Variants in GALNT16 observed in about 807,000 individuals in gnomAD.
GALNT16 encodes polypeptide N-acetylgalactosaminyltransferase 16.
In GALNT16, 40 loss-of-function variants were observed where a neutral mutation model predicts 76.1. That is an observed-to-expected ratio of 0.53 (90% CI 0.41 to 0.68). GALNT16 has a LOEUF of 0.68. Ranked by LOEUF, GALNT16 falls within the 30% of genes least tolerant of loss-of-function variation. The probability of loss-of-function intolerance (pLI) is 0.00; values close to 1 mark genes in which losing one functional copy is unlikely to be tolerated. For missense variants in GALNT16, 621 were observed against 731.9 expected, an observed-to-expected ratio of 0.85 and a Z score of 1.75; for synonymous variants, 276 against 285.2, an observed-to-expected ratio of 0.97 and a Z score of 0.32.
intron 2 of GALNT16, among the ~76,000 whole-genome samples, chr14:69,324,248 C>T (rs1208325632): frequency 1.3e-5 from 2 of 152,020 alleles, no homozygotes; most frequent in African/African-American, 4.8e-5. Context: ...TCTGCAGATT[C>T]TACCAAATGT....
At chr14:69,350,399 C>T (rs1341469207) in intron 14 of GALNT16, 4 of 152,222 alleles carry the variant, frequency 2.6e-5, no homozygotes, top group Admixed American at 1.3e-4. Flanking sequence ...ACCACGACTC[C>T]CTGGGGTGAG....
rs181482622 is a variant in GALNT16, at chr14:69,352,489, G to A, written c.*321G>A. On this transcript the variant is annotated 3_prime_UTR_variant, in exon 15 of 15. Coordinates refer to ENST00000448469, the MANE Select transcript of GALNT16 (RefSeq NM_001168368.2). The stretch of plus-strand genomic sequence containing the variant: ...GGCGCTTCTTGGGGCTGGGACAATA[G>A]TGTGTGGTCTCTCCCTTGTTGCCCG... 1.4e-3 allele frequency: 361 copies of A among 255,964 alleles called. 1 individual carries two copies. The highest frequency in any genetic ancestry group is 7.7e-3 in the African/African-American group (345 of 45,064). 15.9% of individuals were successfully genotyped at this position (255,964 alleles called of 1,614,324 possible). A position where few individuals can be genotyped will look rare whatever the true frequency, so the allele number is the denominator to read the frequency against.
intron 1 of GALNT16, among the ~76,000 whole-genome samples, chr14:69,270,708 C>G (rs1045954650): frequency 6.6e-6 from 1 of 152,212 alleles, no homozygotes; most frequent in African/African-American, 2.4e-5. Context: ...CATCTGTGAC[C>G]TGATTATTTC....
intron 1 of GALNT16, among the ~76,000 whole-genome samples, chr14:69,304,204 C>T (rs2044898649): frequency 6.6e-6 from 1 of 152,066 alleles, no homozygotes; most frequent in Admixed American, 6.6e-5. Flanking sequence ...ATAAGTTTAC[C>T]CCTTCAGTTC....
intron 12 of GALNT16, among the ~76,000 whole-genome samples, chr14:69,342,799 C>A (rs191629813): frequency 6.6e-6 from 1 of 152,164 alleles, no homozygotes; most frequent in Non-Finnish European, 1.5e-5. Flanking sequence ...GTTACATCCA[C>A]GTGGTTCATT....
Position 69,353,892 on chromosome 14 carries a change from A to C in GALNT16, c.*1724A>C, listed in dbSNP as rs2045667942. 2 of 152,298 alleles carry C rather than the reference A, an allele frequency of 1.3e-5. No individual in the cohort carries two copies. The highest frequency in any genetic ancestry group is 6.5e-5 in the Admixed American group (1 of 15,280). 9.4% of individuals were successfully genotyped at this position (152,298 alleles called of 1,614,324 possible). ...CCTCCACACGGCCCTTGGGGTCAGCAGCCAAGTGTCTGTGGTCCGCAGCAC... is the reference window on the plus strand; with the variant it reads ...CCTCCACACGGCCCTTGGGGTCAGCCGCCAAGTGTCTGTGGTCCGCAGCAC... On this transcript the variant is annotated 3_prime_UTR_variant, in exon 15 of 15. Coordinates refer to ENST00000448469, the MANE Select transcript of GALNT16 (RefSeq NM_001168368.2).
At chr14:69,355,066 C>T (rs1209351609), downstream of GALNT16, 2 of 152,276 alleles carry the variant, frequency 1.3e-5, no homozygotes, top group African/African-American at 2.4e-5. Flanking sequence ...AAACCCCCAC[C>T]ATGTCTGTGA....
chr14:69,324,509 G>A (rs930079994), intron 2 of GALNT16, among the ~76,000 whole-genome samples, 183 bp from the exon 3 acceptor site: 1 of 152,154 alleles, frequency 6.6e-6, no homozygotes, highest in Non-Finnish European at 1.5e-5. Flanking sequence ...GGGTGGCATC[G>A]GGGTTCTGGG....
chr14:69,347,277 T>A (rs2045578391), intron 13 of GALNT16, 96 bp downstream of exon 13: 1 of 1,284,598 alleles, frequency 7.8e-7, no homozygotes. Context: ...TCCTCCTCTG[T>A]CTACATCTTA....
At chr14:69,358,193 G>A (rs2045704547), downstream of GALNT16, 1 of 152,288 alleles carries the variant, frequency 6.6e-6, no homozygotes, top group Non-Finnish European at 1.5e-5. Flanking sequence ...TCTGGCAGGA[G>A]AACCAGGAGG....
intron 1 of GALNT16, among the ~76,000 whole-genome samples, chr14:69,291,069 T>G (rs2044681708): frequency 6.6e-6 from 1 of 152,160 alleles, no homozygotes; most frequent in African/African-American, 2.4e-5. Flanking sequence ...GGCAGGAGAA[T>G]TGCTTGAGGC....
rs576428862 is a variant in GALNT16, at chr14:69,275,047, A to G, written c.177+14580A>G. ...AGGATCTTAGTTCCCTTATCTCTTC[A>G]AGTCAGGATGGGGAGCTTCAGAGGG... On this transcript the variant is annotated intron_variant, in intron 1 of 14. Transcript: ENST00000448469. 3.6e-4 allele frequency among the ~76,000 whole-genome samples: 55 copies of G among 152,270 alleles called. No individual in the cohort carries two copies. The South Asian group carries it at 4.6e-3, about 13-fold the overall frequency.
At chr14:69,278,875 T>A (rs2044505681) in intron 1 of GALNT16, among the ~76,000 whole-genome samples, 1 of 152,064 alleles carries the variant, frequency 6.6e-6, no homozygotes, top group African/African-American at 2.4e-5. Context: ...CTGACAGGGC[T>A]GGAATTAGGG....
chr14:69,372,305 C>T, the GALNT16 span, among the ~76,000 whole-genome samples: 10 of 152,004 alleles, frequency 6.6e-5, no homozygotes, highest in Non-Finnish European at 1.0e-4. Context: ...CAACATACTC[C>T]GTGTTGGCTG....
chr14:69,325,259 C>T (rs2045264810), intron 3 of GALNT16, 78 bp from the exon 4 acceptor site: 3 of 904,654 alleles, frequency 3.3e-6, no homozygotes, highest in Admixed American at 3.4e-5. Context: ...GCTGGGGAGT[C>T]CCACGGCCCC....
At chr14:69,277,191 C>G (rs558222102) in intron 1 of GALNT16, among the ~76,000 whole-genome samples, 3 of 152,174 alleles carry the variant, frequency 2.0e-5, no homozygotes, top group Non-Finnish European at 4.4e-5. Context: ...GGTATGAGAT[C>G]AAAGACAAAA....
intron 14 of GALNT16, chr14:69,348,434 T>C (rs1181176107): frequency 3.7e-6 from 1 of 271,638 alleles, no homozygotes; most frequent in Non-Finnish European, 6.9e-6. Context: ...TGAGGCTCGC[T>C]GAATCTAAAG....
At chr14:69,340,645 C>A (rs1421142649) in intron 11 of GALNT16, among the ~76,000 whole-genome samples, 1 of 152,104 alleles carries the variant, frequency 6.6e-6, no homozygotes, top group Admixed American at 6.5e-5. Context: ...CCACCATGCC[C>A]AGCTGATTTT....
chr14:69,365,669 G>A, the GALNT16 span, among the ~76,000 whole-genome samples: 31 of 152,222 alleles, frequency 2.0e-4, no homozygotes, highest in South Asian at 1.0e-3. Context: ...ATAGTCAATG[G>A]ATGCTGGGCT....
Sources: gnomAD v4.1 joint callset for allele counts (sites outside exome capture counted in the v4.1 genomes callset) on GRCh38, gnomAD v4.1.1 for gene constraint, MANE v1.5 for transcripts, NCBI Gene and HGNC (gene_info 2026-07-23, HGNC 2026-07-21) for gene names.